Variants in TPRKB observed in about 807,000 individuals in gnomAD.
The protein encoded by TPRKB is TP53RK binding protein, also known as EKC/KEOPS complex subunit TPRKB.
In TPRKB, 11 loss-of-function variants were observed where a neutral mutation model predicts 17.8. The ratio of observed to expected loss-of-function variants is 0.62; its 90% CI spans 0.39 to 1.02. TPRKB has a LOEUF of 1.02. Ranked by LOEUF, TPRKB falls within the 50% of genes least tolerant of loss-of-function variation. The pLI is 0.00. For missense variants in TPRKB, 228 were observed against 198.0 expected, an observed-to-expected ratio of 1.15 and a Z score of -0.91; for synonymous variants, 71 against 69.5, an observed-to-expected ratio of 1.02 and a Z score of -0.11.
At chr2:73,731,839 C>T (rs1671624062) in intron 3 of TPRKB, 1 of 199,044 alleles carries the variant, frequency 5.0e-6, no homozygotes, top group Non-Finnish European at 1.0e-5. Flanking sequence ...CAGGCTAGCA[C>T]ACAAAATATC....
chr2:73,731,636 G>A (rs1483677419), intron 3 of TPRKB, among the ~76,000 whole-genome samples: 1 of 152,116 alleles, frequency 6.6e-6, no homozygotes, highest in Non-Finnish European at 1.5e-5. Context: ...TGCTACATGT[G>A]TGATGTCTTT....
At position 73,729,924 on chromosome 2, in the gene TPRKB, T is replaced by C. The variant is rs747700337; in HGVS notation, c.*19A>G. ...TGTTTTCTTTAATGCTGAGAATTTT[T>C]GTTAATATTTCTGACATTTCATAAA... is the stretch of plus-strand genomic sequence containing the variant. On this transcript the variant is annotated 3_prime_UTR_variant, in exon 5 of 5. Coordinates refer to ENST00000272424, the MANE Select transcript of TPRKB (RefSeq NM_016058.5). 1.4e-5 allele frequency: 21 copies of C among 1,526,732 alleles called. No homozygotes were observed. The Admixed American group carries it at 4.3e-4, about 31-fold the overall frequency. 94.6% of individuals were successfully genotyped at this position (1,526,732 alleles called of 1,614,324 possible). A position where few individuals can be genotyped will look rare whatever the true frequency, so the allele number is the denominator to read the frequency against.
chr2:73,730,609 A>G lies in TPRKB; in HGVS notation c.392T>C (p.Val131Ala). The G allele has an allele frequency of 6.3e-7, 1 of 1,591,408 alleles. No individual in the cohort carries two copies. Among genetic ancestry groups the G allele is most frequent in the Non-Finnish European group, 8.5e-7 (1 of 1,173,204 alleles). Residue 131 changes from valine (V) to alanine (A), a missense_variant, in exon 4 of 5, where the codon GTT (valine) becomes GCT (alanine). By Grantham distance (64) the Val-to-Ala change is moderately conservative. Transcript: ENST00000272424. The stretch of plus-strand genomic sequence containing the variant: ...TATTTCAGGAAGATTTTTCAGAGAA[A>G]CCTGATGACCTTCTACTTGAGATAT... The part of the protein sequence containing the change: ...YLISQVEGHQ[V>A]SLKNLPEIMN...
chr2:73,730,047 A>G lies in TPRKB; in HGVS notation c.442-18T>C. Reference sequence around the variant, plus strand: ...TTATATATCTGTAAAAATGAAAGACAAATTATGACTTGCTGATATCGTCAT... The same window carrying G: ...TTATATATCTGTAAAAATGAAAGACGAATTATGACTTGCTGATATCGTCAT... On this transcript the variant is annotated intron_variant, in intron 4 of 4. Coordinates refer to ENST00000272424, the MANE Select transcript of TPRKB (RefSeq NM_016058.5). The G allele has an allele frequency of 1.9e-6, 3 of 1,543,242 alleles. No individual in the cohort carries two copies. The highest frequency in any genetic ancestry group is 2.0e-5 in the Admixed American group (1 of 49,038).
chr2:73,736,872 C>T (rs1324967072), intron 1 of TPRKB, among the ~76,000 whole-genome samples: 1 of 152,192 alleles, frequency 6.6e-6, no homozygotes, highest in Admixed American at 6.5e-5. Flanking sequence ...CTTCTGCTAC[C>T]GCCGCAATGG....
At chr2:73,733,021 G>A (rs1306493401) in intron 2 of TPRKB, among the ~76,000 whole-genome samples, 1 of 152,120 alleles carries the variant, frequency 6.6e-6, no homozygotes, top group African/African-American at 2.4e-5. Flanking sequence ...TATCACCTAG[G>A]AAACTTATGC....
At position 73,730,715 on chromosome 2, in the gene TPRKB, A is replaced by G. The variant is rs769029364; in HGVS notation, c.286T>C (p.Phe96Leu). 3.3e-6 allele frequency: 5 copies of G among 1,525,348 alleles called. No individual in the cohort carries two copies. The African/African-American group carries it at 5.8e-5, about 18-fold the overall frequency. The allele number at this position is 1,525,348 out of a possible 1,614,324, so 94.5% of individuals were successfully genotyped here. A position where few individuals can be genotyped will look rare whatever the true frequency, so the allele number is the denominator to read the frequency against. Residue 96 changes from phenylalanine (F) to leucine (L), a missense_variant, in exon 4 of 5, where the codon TTT (phenylalanine) becomes CTT (leucine). Coordinates refer to ENST00000272424, the MANE Select transcript of TPRKB (RefSeq NM_016058.5). ...GAAGTGTCATTTGCTGAGATACCAA[A>G]TTTTTTCAAAGCCTCTGAAATCTAA... The part of the protein sequence containing the change: ...NNNISEALKK[F>L]GISANDTSIL...
intron 4 of TPRKB, 110 bp from the exon 5 acceptor site, chr2:73,730,139 A>G: frequency 8.0e-7 from 1 of 1,251,676 alleles, no homozygotes; most frequent in African/African-American, 1.5e-5. Flanking sequence ...TATTGGGTTC[A>G]TGGTATAACA....
intron 2 of TPRKB, among the ~76,000 whole-genome samples, chr2:73,733,542 A>G (rs1403465292): frequency 6.6e-6 from 1 of 151,922 alleles, no homozygotes; most frequent in Non-Finnish European, 1.5e-5. Flanking sequence ...CCACTACACT[A>G]TTCCTCCTCT....
chr2:73,730,846 G>T, intron 3 of TPRKB, 110 bp from the exon 4 acceptor site: 1 of 728,082 alleles, frequency 1.4e-6, no homozygotes, highest in Non-Finnish European at 2.1e-6. Context: ...TATTTTTCAT[G>T]TCCTAACAGT....
intron 4 of TPRKB, 167 bp from the exon 5 acceptor site, chr2:73,730,196 C>G (rs746109715): frequency 5.2e-6 from 4 of 775,836 alleles, no homozygotes; most frequent in Non-Finnish European, 3.7e-6. Context: ...CAATTCATTA[C>G]TTGTATCCCC....
At chr2:73,737,017 C>A (rs1324057966) in intron 1 of TPRKB, among the ~76,000 whole-genome samples, 1 of 152,160 alleles carries the variant, frequency 6.6e-6, no homozygotes, top group African/African-American at 2.4e-5. Context: ...TTTACTACAG[C>A]GCCCAGAACC....
intron 2 of TPRKB, among the ~76,000 whole-genome samples, chr2:73,733,867 G>T (rs1012201706): frequency 1.4e-5 from 2 of 145,720 alleles, no homozygotes; most frequent in African/African-American, 5.3e-5. Flanking sequence ...GCCCAGGCTG[G>T]AGTGCAGTGG....
intron 4 of TPRKB, 199 bp from the exon 5 acceptor site, chr2:73,730,228 T>C (rs960648090): frequency 2.1e-5 from 12 of 581,708 alleles, no homozygotes; most frequent in Non-Finnish European, 3.1e-5. Context: ...GCTATGGGAG[T>C]AACTCTCAAG....
intron 4 of TPRKB, 93 bp from the exon 5 acceptor site, chr2:73,730,122 A>G (rs999321550): frequency 4.4e-6 from 6 of 1,350,306 alleles, no homozygotes; most frequent in Non-Finnish European, 5.9e-6. Flanking sequence ...ATTATTCCTC[A>G]TTCAATTATT....
At chr2:73,730,090 T>A (rs956170403) in intron 4 of TPRKB, 61 bp from the exon 5 acceptor site, 9 of 1,473,302 alleles carry the variant, frequency 6.1e-6, no homozygotes, top group Non-Finnish European at 5.4e-6. Context: ...TAATTGTCAT[T>A]ATACAAACAT....
intron 1 of TPRKB, among the ~76,000 whole-genome samples, chr2:73,736,444 A>G (rs1442309032): frequency 6.6e-6 from 1 of 152,204 alleles, no homozygotes; most frequent in Non-Finnish European, 1.5e-5. Context: ...ATAAGAAAGG[A>G]AAAAAACGTG....
Position 73,730,013 on chromosome 2 carries a change from G to A in TPRKB, c.458C>T (p.Ser153Leu). 6.4e-7 allele frequency: 1 copy of A among 1,572,210 alleles called. No individual in the cohort carries two copies. The highest frequency in any genetic ancestry group is 8.6e-7 in the Non-Finnish European group (1 of 1,156,600). Residue 153 changes from serine (S) to leucine (L), a missense_variant, in exon 5 of 5, where the codon TCA becomes TTA. Physicochemically the swap from Ser to Leu is moderately radical, Grantham distance 145 (BLOSUM62 -2). Transcript: ENST00000272424. ...TAATGTCCCAATACTTTCTTCTTGT[G>A]AAGAGAGTTTATATATCTGTAAAAA... ...TEVKKIYKLSSQEESIGTLLD... is the reference protein window; with the variant it reads ...TEVKKIYKLSLQEESIGTLLD...
At chr2:73,735,332 C>CA (rs35805651) in intron 1 of TPRKB, among the ~76,000 whole-genome samples, 68 of 145,058 alleles carry the variant, frequency 4.7e-4, no homozygotes, top group Middle Eastern at 3.6e-3. Flanking sequence ...AACTCCGTCT[C>CA]AAAAAAAAAA....
Sources: allele counts gnomAD v4.1 joint callset (sites outside exome capture counted in the v4.1 genomes callset), GRCh38; gene constraint gnomAD v4.1.1; transcripts MANE v1.5; gene names NCBI Gene and HGNC (gene_info 2026-07-23, HGNC 2026-07-21).